The following PTPRT variants were observed in gnomAD, a reference collection of about 807,000 sequenced individuals.
PTPRT encodes the protein protein tyrosine phosphatase receptor type T, also known as receptor-type tyrosine-protein phosphatase T.
A neutral mutation model predicts 176.8 loss-of-function variants in PTPRT; 56 were observed. The ratio of observed to expected loss-of-function variants is 0.32; its 90% CI spans 0.26 to 0.40. The LOEUF (loss-of-function observed/expected upper bound fraction) is 0.40. Ranked by LOEUF, PTPRT falls within the 10% of genes least tolerant of loss-of-function variation. The pLI is 1.00. For missense variants in PTPRT, 1,540 were observed against 1,908.2 expected (o/e 0.81, Z 3.60); for synonymous variants, 783 against 739.0 (o/e 1.06, Z -0.96).
At chr20:43,140,847 C>A (rs1022147142) in intron 1 of PTPRT, among the ~76,000 whole-genome samples, 1 of 152,208 alleles carries the variant, frequency 6.6e-6, no homozygotes, top group Non-Finnish European at 1.5e-5. Flanking sequence ...TTACTCCCAA[C>A]CACCAGAGCT....
intron 7 of PTPRT, among the ~76,000 whole-genome samples, chr20:42,593,599 T>G (rs1165629625): frequency 6.6e-6 from 1 of 152,174 alleles, no homozygotes; most frequent in Non-Finnish European, 1.5e-5. Flanking sequence ...CTGACAACCT[T>G]AAACTCTCAT....
chr20:42,481,865 T>C (rs2071392628), intron 7 of PTPRT, among the ~76,000 whole-genome samples: 1 of 151,992 alleles, frequency 6.6e-6, no homozygotes, highest in Non-Finnish European at 1.5e-5. Context: ...CAAAAGCATG[T>C]GGTGTACTTA....
intron 7 of PTPRT, among the ~76,000 whole-genome samples, chr20:42,557,492 G>A (rs2145636356): frequency 6.6e-6 from 1 of 152,162 alleles, no homozygotes; most frequent in Admixed American, 6.5e-5. Flanking sequence ...AAGTAAAACT[G>A]ACTCATAACC....
chr20:43,100,484 A>G (rs1266884840), intron 1 of PTPRT, among the ~76,000 whole-genome samples: 2 of 152,232 alleles, frequency 1.3e-5, no homozygotes, highest in Non-Finnish European at 2.9e-5. Flanking sequence ...CTGTTTATGA[A>G]TTAAAAGAAC....
At chr20:42,914,944 G>A (rs1342585327) in intron 1 of PTPRT, among the ~76,000 whole-genome samples, 1 of 151,130 alleles carries the variant, frequency 6.6e-6, no homozygotes, top group East Asian at 1.9e-4. Flanking sequence ...TGGAAAACAT[G>A]ACGCTAGGGT....
At position 42,306,799 on chromosome 20, in the gene PTPRT, T is replaced by A. The variant is rs576831490; in HGVS notation, c.2139+8924A>T. Among the ~76,000 whole-genome samples the A allele has an allele frequency of 3.3e-5, 5 of 152,232 alleles. No individual in the cohort carries two copies. The East Asian group carries it at 9.7e-4, about 30-fold the overall frequency. On this transcript the variant is annotated intron_variant, in intron 12 of 30. Transcript: ENST00000373187. ...CAGGCATTTCTTTACCATTCCTCCA[T>A]GGAGGTAAAGGGGAAAAGCTGTTAC...
At chr20:42,593,500 G>A (rs1352666775) in intron 7 of PTPRT, among the ~76,000 whole-genome samples, 2 of 152,134 alleles carry the variant, frequency 1.3e-5, no homozygotes, top group Non-Finnish European at 2.9e-5. Flanking sequence ...CTTACTTATT[G>A]CCATTTAGAC....
At chr20:43,152,547 A>AATCT (rs1466619572) in intron 1 of PTPRT, among the ~76,000 whole-genome samples, 1 of 152,268 alleles carries the variant, frequency 6.6e-6, no homozygotes, top group South Asian at 2.1e-4. Flanking sequence ...TGTGTGCCCC[A>AATCT]ATCTGAGCAG....
intron 7 of PTPRT, among the ~76,000 whole-genome samples, chr20:42,632,976 T>C (rs889539178): frequency 1.3e-5 from 2 of 152,128 alleles, no homozygotes; most frequent in Admixed American, 6.5e-5. Context: ...TTTGGCAAAG[T>C]AGAAGTTAGG....
chr20:43,023,498 T>C (rs1186214964), intron 1 of PTPRT, among the ~76,000 whole-genome samples: 1 of 152,202 alleles, frequency 6.6e-6, no homozygotes, highest in Non-Finnish European at 1.5e-5. Context: ...CACACAAGCC[T>C]GCAGAAAGTC....
intron 1 of PTPRT, among the ~76,000 whole-genome samples, chr20:43,136,610 A>C (rs1007205051): frequency 6.6e-6 from 1 of 152,100 alleles, no homozygotes; most frequent in Non-Finnish European, 1.5e-5. Flanking sequence ...CCCATACTAC[A>C]CACATGCACA....
chr20:42,792,810 CT>C (rs1175578027), intron 2 of PTPRT, among the ~76,000 whole-genome samples: 1 of 152,160 alleles, frequency 6.6e-6, no homozygotes, highest in Non-Finnish European at 1.5e-5. Flanking sequence ...CCCATAACTT[CT>C]TGGGATTCTA....
At chr20:42,097,554 T>A (rs537662698) in intron 27 of PTPRT, among the ~76,000 whole-genome samples, 85 of 152,274 alleles carry the variant, frequency 5.6e-4, no homozygotes, top group African/African-American at 2.0e-3. Flanking sequence ...TGACCTCTAT[T>A]ATAACACAGC....
Position 42,448,964 on chromosome 20 carries a change from G to A in PTPRT, c.1451-635C>T, listed in dbSNP as rs111930687. ...ATCCTGGGCTGCATGCAGCCCAGGG[G>A]CTGCTGGTTGGACAAGCTTGTTTTA... is the stretch of plus-strand genomic sequence containing the variant. On this transcript the variant is annotated intron_variant, in intron 8 of 30. Coordinates refer to ENST00000373187, the MANE Select transcript of PTPRT (RefSeq NM_007050.6). Among the ~76,000 whole-genome samples the A allele has an allele frequency of 8.7e-3, 1,330 of 152,248 alleles. 21 individuals are homozygous for A. Among genetic ancestry groups the A allele is most frequent in the African/African-American group, 0.031 (1,285 of 41,552 alleles).
chr20:42,872,039 T>G (rs208186), intron 2 of PTPRT, among the ~76,000 whole-genome samples: 41,018 of 152,156 alleles, frequency 0.27, 5,612 homozygotes, highest in African/African-American at 0.32. Flanking sequence ...TTTCATTGAC[T>G]ACAAGGCTTT....
intron 9 of PTPRT, among the ~76,000 whole-genome samples, chr20:42,426,477 C>G (rs1384720059): frequency 6.6e-6 from 1 of 152,194 alleles, no homozygotes; most frequent in African/African-American, 2.4e-5. Context: ...TACAATAAGA[C>G]CCCCACATTT....
chr20:43,045,484 C>A (rs1362587550), intron 1 of PTPRT, among the ~76,000 whole-genome samples: 1 of 132,394 alleles, frequency 7.6e-6, no homozygotes, highest in Non-Finnish European at 1.5e-5. Flanking sequence ...GTCACAGTCT[C>A]GCTCTGTCAC....
intron 1 of PTPRT, among the ~76,000 whole-genome samples, chr20:43,118,414 C>A (rs968023374): frequency 6.6e-6 from 1 of 152,108 alleles, no homozygotes; most frequent in Non-Finnish European, 1.5e-5. Flanking sequence ...ATCCTCCTCA[C>A]GGGTCGATGA....
At chr20:42,982,336 G>A (rs543837837) in intron 1 of PTPRT, among the ~76,000 whole-genome samples, 2 of 152,320 alleles carry the variant, frequency 1.3e-5, no homozygotes, top group African/African-American at 2.4e-5. Context: ...GTGGGAGGTA[G>A]ACCTTAATAG....
Sources: gnomAD v4.1 joint callset for allele counts (sites outside exome capture counted in the v4.1 genomes callset) on GRCh38, gnomAD v4.1.1 for gene constraint, MANE v1.5 for transcripts, NCBI Gene and HGNC (gene_info 2026-07-23, HGNC 2026-07-21) for gene names.